TIAM1: variants seen among roughly 807,000 people sequenced by gnomAD.
TIAM1 encodes the protein rho guanine nucleotide exchange factor TIAM1.
Under a neutral mutation model 163.5 loss-of-function variants are expected in TIAM1, and 65 were observed. That is an observed-to-expected ratio of 0.40 (90% CI 0.33 to 0.49). TIAM1 has a LOEUF of 0.49. Ranked by LOEUF, TIAM1 falls within the 20% of genes least tolerant of loss-of-function variation. The probability of loss-of-function intolerance (pLI) is 0.77; values close to 1 mark genes in which losing one functional copy is unlikely to be tolerated. For missense variants in TIAM1, 1,789 were observed against 2,044.7 expected (o/e 0.87, Z 2.41); for synonymous variants, 833 against 810.1 (o/e 1.03, Z -0.48).
At chr21:31,372,989 A>G (rs1253529164) in intron 2 of TIAM1, among the ~76,000 whole-genome samples, 1 of 148,452 alleles carries the variant, frequency 6.7e-6, no homozygotes, top group Non-Finnish European at 1.5e-5. Context: ...CGGGAGGCAG[A>G]GGTTTCGGTG....
At chr21:31,385,840 ATT>A (rs972354601) in intron 2 of TIAM1, among the ~76,000 whole-genome samples, 1 of 147,214 alleles carries the variant, frequency 6.8e-6, no homozygotes, top group Non-Finnish European at 1.5e-5. Context: ...TATATTATAT[ATT>A]TATATATAAT....
At chr21:31,443,204 T>C (rs147807177) in intron 2 of TIAM1, among the ~76,000 whole-genome samples, 1 of 152,304 alleles carries the variant, frequency 6.6e-6, no homozygotes. Flanking sequence ...AGGCCAGGGC[T>C]GTTGGACTCC....
intron 2 of TIAM1, among the ~76,000 whole-genome samples, chr21:31,433,610 A>G (rs911244960): frequency 1.3e-5 from 2 of 152,240 alleles, no homozygotes; most frequent in Non-Finnish European, 2.9e-5. Flanking sequence ...CAAATTAAAA[A>G]AAGGATTGAT....
rs777230954 is a variant in TIAM1 at position 31,266,304 on chromosome 21, G to C, written c.669C>G (p.Leu223=). The change falls in exon 4 of 28, where the codon CTC becomes CTG. Residue 223 remains leucine, a synonymous_variant. Transcript: ENST00000541036. ...GMETRASPRQ[L]STCQRANSLG... ...AGGAATTGGCTCTCTGACAGGTGCT[G>C]AGCTGCCGCGGACTCGCCCGCGTTT... 6 of 1,614,218 alleles carry C rather than the reference G, an allele frequency of 3.7e-6. No homozygotes were observed. The South Asian group carries it at 5.5e-5, about 15-fold the overall frequency.
intron 2 of TIAM1, among the ~76,000 whole-genome samples, chr21:31,326,347 AG>A (rs2075487712): frequency 6.6e-6 from 1 of 152,196 alleles, no homozygotes; most frequent in Non-Finnish European, 1.5e-5. Flanking sequence ...CTTAGAGGGA[AG>A]GGGAGTACTA....
At chr21:31,541,986 C>G (rs965776280) in intron 1 of TIAM1, among the ~76,000 whole-genome samples, 1 of 152,182 alleles carries the variant, frequency 6.6e-6, no homozygotes, top group Non-Finnish European at 1.5e-5. Flanking sequence ...TAGCAATTTC[C>G]TCACTTTCCC....
chr21:31,158,882 A>G (rs1320717203), intron 16 of TIAM1, among the ~76,000 whole-genome samples: 2 of 152,114 alleles, frequency 1.3e-5, no homozygotes, highest in Non-Finnish European at 2.9e-5. Flanking sequence ...GTTGGGTTCA[A>G]GGCTTTGCCC....
chr21:31,330,531 C>G (rs758827393), intron 2 of TIAM1, among the ~76,000 whole-genome samples: 1 of 152,160 alleles, frequency 6.6e-6, no homozygotes, highest in Admixed American at 6.5e-5. Context: ...CTCCCCATCC[C>G]AGGCTCAAGT....
intron 1 of TIAM1, among the ~76,000 whole-genome samples, chr21:31,340,748 C>A (rs1346840373): frequency 6.6e-6 from 1 of 151,542 alleles, no homozygotes; most frequent in Non-Finnish European, 1.5e-5. Flanking sequence ...CAGTCGCTGC[C>A]AAGTTTCGGG....
intron 23 of TIAM1, 23 bp downstream of exon 23, chr21:31,135,910 T>A: frequency 6.2e-7 from 1 of 1,606,564 alleles, no homozygotes; most frequent in Non-Finnish European, 8.5e-7. Context: ...TCCCCCTCCA[T>A]AAAACGCTTT....
chr21:31,355,706 C>T (rs762625834), intron 2 of TIAM1, among the ~76,000 whole-genome samples: 49 of 152,132 alleles, frequency 3.2e-4, no homozygotes, highest in Admixed American at 7.2e-4. Flanking sequence ...CGCGTGCCAC[C>T]ACACTGGGCT....
Position 31,120,391 on chromosome 21 carries a change from T to G in TIAM1, c.4753A>C (p.Arg1585=). The G allele has an allele frequency of 6.2e-7, 1 of 1,611,214 alleles. No homozygotes were observed. Among genetic ancestry groups the G allele is most frequent in the African/African-American group, 1.3e-5 (1 of 74,996 alleles). Residue 1585 remains arginine, a synonymous_variant, in exon 28 of 28, where the codon AGG becomes CGG. Coordinates refer to ENST00000541036, the MANE Select transcript of TIAM1 (RefSeq NM_001353694.2). The surrounding 1 kb of genome is among the most constrained non-coding windows in gnomAD (Gnocchi z 4.2). ...WVRREDFAPS[R]KLNTEI Reference sequence around the variant, plus strand: ...AGTCAGATCTCAGTGTTCAGTTTCCTGGAGGGGGCAAAGTCTTCACGCCTA... The same window carrying G: ...AGTCAGATCTCAGTGTTCAGTTTCCGGGAGGGGGCAAAGTCTTCACGCCTA...
intron 20 of TIAM1, among the ~76,000 whole-genome samples, chr21:31,142,317 C>CT (rs1210699315): frequency 3.3e-5 from 5 of 151,970 alleles, no homozygotes; most frequent in Non-Finnish European, 1.5e-5. Context: ...GGAAAAACCT[C>CT]TTTTGAAAAA....
chr21:31,297,389 A>G (rs2074318961), intron 2 of TIAM1, among the ~76,000 whole-genome samples: 1 of 152,068 alleles, frequency 6.6e-6, no homozygotes, highest in Admixed American at 6.5e-5. Flanking sequence ...ATGGCCACAT[A>G]ACAGTGTGAA....
chr21:31,290,841 G>A (rs1043147050), intron 2 of TIAM1, among the ~76,000 whole-genome samples: 9 of 151,966 alleles, frequency 5.9e-5, no homozygotes, highest in Non-Finnish European at 1.0e-4. Flanking sequence ...GTCATATCAT[G>A]TGCGAGGGCC....
At chr21:31,468,707 C>T (rs186860359) in intron 1 of TIAM1, among the ~76,000 whole-genome samples, 1 of 151,688 alleles carries the variant, frequency 6.6e-6, no homozygotes, top group African/African-American at 2.4e-5. Flanking sequence ...ACCCGGGAGG[C>T]GGAACTTGCA....
intron 8 of TIAM1, among the ~76,000 whole-genome samples, chr21:31,222,449 A>G (rs2087611460): frequency 2.0e-5 from 3 of 151,922 alleles, no homozygotes. Flanking sequence ...CAACTATACA[A>G]TCTGCCGCTC....
chr21:31,290,760 C>A (rs908421034), intron 2 of TIAM1, among the ~76,000 whole-genome samples: 2 of 151,938 alleles, frequency 1.3e-5, no homozygotes, highest in Non-Finnish European at 2.9e-5. Context: ...ACTAGCAAAC[C>A]CCACCTGTGT....
chr21:31,416,489 T>C (rs2043377269), intron 2 of TIAM1, among the ~76,000 whole-genome samples: 1 of 151,668 alleles, frequency 6.6e-6, no homozygotes, highest in Non-Finnish European at 1.5e-5. Context: ...CCTTTCCCCC[T>C]GAGTCCCCAG....
Sources: gnomAD v4.1 joint callset for allele counts (sites outside exome capture counted in the v4.1 genomes callset) on GRCh38, gnomAD v4.1.1 for gene constraint, Gnocchi (gnomAD v3.1) non-coding constraint, MANE v1.5 for transcripts, NCBI Gene and HGNC (gene_info 2026-07-23, HGNC 2026-07-21) for gene names.